NOX5: variants seen among roughly 807,000 people sequenced by gnomAD.
The protein encoded by NOX5 is NADPH oxidase, EF-hand calcium binding domain 5.
Under a neutral mutation model 85.7 loss-of-function variants are expected in NOX5, and 76 were observed. The ratio of observed to expected loss-of-function variants is 0.89; its 90% CI spans 0.74 to 1.07. The LOEUF (loss-of-function observed/expected upper bound fraction) is 1.07. Among genes scored for constraint, NOX5 ranks in the 50% least tolerant of loss-of-function variants. The pLI, the probability that NOX5 is intolerant of heterozygous loss-of-function variation, is 0.00. For missense variants in NOX5, 973 were observed against 999.5 expected (o/e 0.97, Z 0.36); for synonymous variants, 405 against 401.4 (o/e 1.01, Z -0.11).
In NOX5 at chr15:69,028,321, C is replaced by G; in HGVS notation, c.281C>G (p.Pro94Arg). The G allele has an allele frequency of 6.2e-7, 1 of 1,612,862 alleles. No individual in the cohort carries two copies. Among genetic ancestry groups the G allele is most frequent in the South Asian group, 1.1e-5 (1 of 90,880 alleles). ...CTGACCCTGCTCATCCATGGCAGCCCCATGGACAAACTCAAATTCCTCTTC... is the reference window on the plus strand; with the variant it reads ...CTGACCCTGCTCATCCATGGCAGCCGCATGGACAAACTCAAATTCCTCTTC... ...EALTLLIHGS[P>R]MDKLKFLFQV... is the part of the protein sequence containing the mutation. Residue 94 changes from proline to arginine, a missense_variant, in exon 3 of 16, where the codon CCC (proline) becomes CGC (arginine). Pro to Arg is a moderately radical substitution (Grantham distance 103, BLOSUM62 -2). Transcript: ENST00000388866.
intron 12 of NOX5, 86 bp from the exon 13 acceptor site, chr15:69,047,744 C>T (rs2050693696): frequency 1.4e-6 from 2 of 1,465,968 alleles, no homozygotes; most frequent in Non-Finnish European, 1.9e-6. Context: ...CCACCCCATC[C>T]TTGCTCCCTG....
At chr15:69,045,540 C>CTTTCTTTCTTTCTTTCTTTCTTTCTT (rs1567105112) in intron 10 of NOX5, among the ~76,000 whole-genome samples, 1 of 110,210 alleles carries the variant, frequency 9.1e-6, no homozygotes, top group African/African-American at 4.2e-5. Flanking sequence ...TTTCTTTTTT[C>CTTTCTTTCTTTCTTTCTTTCTTTCTT]TTTCTTTCTT....
chr15:69,014,909 C>A, intron 1 of NOX5, 124 bp downstream of exon 1: 1 of 726,072 alleles, frequency 1.4e-6, no homozygotes, highest in Non-Finnish European at 2.3e-6. Context: ...GATCTGAGCT[C>A]TATTCTTGCC....
chr15:69,038,746 C>T, intron 8 of NOX5, 111 bp from the exon 9 acceptor site: 1 of 1,438,922 alleles, frequency 6.9e-7, no homozygotes, highest in Non-Finnish European at 9.7e-7. Flanking sequence ...TGTCTCGGGG[C>T]ATGCCTGTTT....
intron 10 of NOX5, among the ~76,000 whole-genome samples, chr15:69,044,767 A>C (rs1567104494): frequency 1.3e-5 from 2 of 152,224 alleles, no homozygotes; most frequent in Admixed American, 1.3e-4. Flanking sequence ...TACTTTTTTC[A>C]CTATTGTTTA....
At position 69,057,575 on chromosome 15, in the gene NOX5, C is replaced by T. The variant is rs1170465441; in HGVS notation, c.*879C>T. On this transcript the variant is annotated 3_prime_UTR_variant, in exon 16 of 16. Coordinates refer to ENST00000388866, the MANE Select transcript of NOX5 (RefSeq NM_024505.4). ...AGTCGCTTGAGAAACAGGATGGAGA[C>T]AGCCTCTTTGTGTGCCTCTCTCTGT... is the stretch of plus-strand genomic sequence containing the variant. 6.6e-6 allele frequency: 1 copy of T among 152,264 alleles called. No homozygotes were observed. The highest frequency in any genetic ancestry group is 2.4e-5 in the African/African-American group (1 of 41,444). The allele number at this position is 152,264 out of a possible 1,614,324, so 9.4% of individuals were successfully genotyped here.
intron 1 of NOX5, among the ~76,000 whole-genome samples, chr15:69,021,258 A>G (rs1444924192): frequency 6.6e-6 from 1 of 152,076 alleles, no homozygotes; most frequent in Non-Finnish European, 1.5e-5. Context: ...TGGGTTTATC[A>G]TTCTTTGAAG....
chr15:69,033,705 T>C (rs989480006), intron 5 of NOX5, among the ~76,000 whole-genome samples: 17 of 148,826 alleles, frequency 1.1e-4, no homozygotes, highest in Non-Finnish European at 1.8e-4. Flanking sequence ...TTTTTTCTTT[T>C]TTTTTTTTTT....
At chr15:69,017,006 A>G (rs1378464543) in intron 1 of NOX5, among the ~76,000 whole-genome samples, 5 of 152,190 alleles carry the variant, frequency 3.3e-5, no homozygotes, top group African/African-American at 7.2e-5. Context: ...GATTACTGAT[A>G]GAACAGACCC....
At chr15:69,036,728 G>A (rs549454743) in intron 7 of NOX5, among the ~76,000 whole-genome samples, 63 of 152,266 alleles carry the variant, frequency 4.1e-4, no homozygotes, top group African/African-American at 9.9e-4. Flanking sequence ...AGAATGGGTC[G>A]GGGGTAGCGA....
At chr15:69,031,229 C>T (rs1403707399) in intron 3 of NOX5, 2 of 476,838 alleles carry the variant, frequency 4.2e-6, no homozygotes, top group South Asian at 3.9e-5. Flanking sequence ...GTGGGCACAC[C>T]GCCCCTTATA....
chr15:69,054,359 G>A (rs568954393), intron 14 of NOX5, among the ~76,000 whole-genome samples: 20 of 152,240 alleles, frequency 1.3e-4, no homozygotes, highest in East Asian at 3.9e-4. Flanking sequence ...GGGCTCCTTC[G>A]TCCCAGTCTC....
chr15:69,054,319 G>A (rs1410841312), intron 14 of NOX5, among the ~76,000 whole-genome samples: 2 of 152,192 alleles, frequency 1.3e-5, no homozygotes, highest in African/African-American at 4.8e-5. Flanking sequence ...ATAACTTTGT[G>A]GCGCAGAACT....
intron 1 of NOX5, among the ~76,000 whole-genome samples, chr15:69,025,533 G>A (rs1019893265): frequency 6.6e-6 from 1 of 152,208 alleles, no homozygotes; most frequent in African/African-American, 2.4e-5. Flanking sequence ...CCACTGCTCT[G>A]TGCATGTCCA....
intron 9 of NOX5, among the ~76,000 whole-genome samples, chr15:69,039,585 C>T (rs1178215354): frequency 6.6e-6 from 1 of 152,136 alleles, no homozygotes; most frequent in Non-Finnish European, 1.5e-5. Flanking sequence ...GAGGAGTAGC[C>T]AGCTCAGGAG....
At chr15:69,040,194 T>G (rs1158430000) in intron 9 of NOX5, among the ~76,000 whole-genome samples, 1 of 152,238 alleles carries the variant, frequency 6.6e-6, no homozygotes, top group South Asian at 2.1e-4. Context: ...AATTGTGCCC[T>G]CAATGTACCA....
chr15:69,026,007 C>T (rs891252041), intron 1 of NOX5, among the ~76,000 whole-genome samples: 18 of 152,292 alleles, frequency 1.2e-4, no homozygotes, highest in African/African-American at 4.1e-4. Context: ...AAACACTGGA[C>T]TTGAATTTGA....
chr15:69,032,025 G>A (rs1392772814), intron 4 of NOX5, among the ~76,000 whole-genome samples: 1 of 152,186 alleles, frequency 6.6e-6, no homozygotes, highest in East Asian at 1.9e-4. Context: ...AAGGTCTGAG[G>A]CACCTACTGT....
intron 3 of NOX5, 118 bp from the exon 4 acceptor site, chr15:69,031,400 G>A: frequency 8.5e-7 from 1 of 1,172,142 alleles, no homozygotes; most frequent in Non-Finnish European, 1.2e-6. Context: ...GAACATGGAA[G>A]GTTTCTGAGC....
Sources: gnomAD v4.1 joint callset for allele counts (sites outside exome capture counted in the v4.1 genomes callset) on GRCh38, gnomAD v4.1.1 for gene constraint, MANE v1.5 for transcripts, NCBI Gene and HGNC (gene_info 2026-07-23, HGNC 2026-07-21) for gene names.